Variants in ERC1 observed in about 807,000 individuals in gnomAD.
The protein encoded by ERC1 is ELKS/RAB6-interacting/CAST family member 1.
A neutral mutation model predicts 132.0 loss-of-function variants in ERC1; 56 were observed. The ratio of observed to expected loss-of-function variants is 0.42; its 90% CI spans 0.34 to 0.53. The LOEUF is 0.53. ERC1 is among the 20% of genes least tolerant of loss of function. The probability of loss-of-function intolerance (pLI) is 0.03; values close to 1 mark genes in which losing one functional copy is unlikely to be tolerated. For synonymous variants in ERC1, 478 were observed against 476.1 expected, an observed-to-expected ratio of 1.00 and a Z score of -0.05; for missense variants, 1,202 against 1,349.9, an observed-to-expected ratio of 0.89 and a Z score of 1.72.
intron 7 of ERC1, among the ~76,000 whole-genome samples, chr12:1,118,581 C>CT (rs1300227767): frequency 1.3e-5 from 2 of 152,168 alleles, no homozygotes; most frequent in Admixed American, 6.5e-5. Context: ...TGAAAGCTAA[C>CT]TTTCTTTGGA....
At chr12:1,423,602 G>A (rs1161572967) in intron 17 of ERC1, among the ~76,000 whole-genome samples, 7 of 152,198 alleles carry the variant, frequency 4.6e-5, no homozygotes, top group Admixed American at 6.5e-5. Flanking sequence ...GGTTGATAGA[G>A]TCTGTCAGAT....
At chr12:1,019,293 T>G (rs1965977075) in intron 1 of ERC1, among the ~76,000 whole-genome samples, 1 of 152,092 alleles carries the variant, frequency 6.6e-6, no homozygotes. Context: ...CCAGCTAATT[T>G]TTTGTATTTT....
chr12:1,007,478 CTCTCTCTCTCTCTCTT>C (rs1465631998), intron 1 of ERC1, among the ~76,000 whole-genome samples: 14 of 150,798 alleles, frequency 9.3e-5, no homozygotes, highest in Non-Finnish European at 1.9e-4. Context: ...CTCTCTCTCT[CTCTCTCTCTCTCTCTT>C]TCTCTCTCTC....
intron 16 of ERC1, among the ~76,000 whole-genome samples, chr12:1,406,964 C>A (rs2091535974): frequency 6.6e-6 from 1 of 152,158 alleles, no homozygotes. Flanking sequence ...TTTAAAACTT[C>A]AAGTTTTAAC....
intron 16 of ERC1, among the ~76,000 whole-genome samples, chr12:1,377,603 A>G (rs16928383): frequency 0.44 from 67,046 of 152,122 alleles, 16,182 homozygotes; most frequent in African/African-American, 0.64. Context: ...GAAAATGTAT[A>G]TAGGTTAATG....
chr12:1,382,739 G>A (rs2088830911), intron 16 of ERC1, among the ~76,000 whole-genome samples: 1 of 152,100 alleles, frequency 6.6e-6, no homozygotes, highest in South Asian at 2.1e-4. Context: ...TTAAAAAGAA[G>A]CAAATCAAAA....
At chr12:1,341,055 ATTCTTTTCTTT>A (rs1294676606) in intron 15 of ERC1, among the ~76,000 whole-genome samples, 2 of 80,178 alleles carry the variant, frequency 2.5e-5, no homozygotes, top group Non-Finnish European at 5.2e-5. Context: ...ATGTCCACTT[ATTCTTTTCTTT>A]TTCTTTTTTT....
chr12:1,161,029 A>G (rs1184833259), intron 8 of ERC1, among the ~76,000 whole-genome samples: 2 of 152,190 alleles, frequency 1.3e-5, no homozygotes, highest in African/African-American at 4.8e-5. Flanking sequence ...TTCCTTAATG[A>G]GTACATTTGT....
chr12:1,062,713 C>T (rs563019554), intron 2 of ERC1, among the ~76,000 whole-genome samples: 1 of 152,252 alleles, frequency 6.6e-6, no homozygotes, highest in Admixed American at 6.5e-5. Flanking sequence ...CTATGAATGC[C>T]TGTTAGTTCC....
chr12:1,012,662 G>A (rs1964890696), intron 1 of ERC1, among the ~76,000 whole-genome samples: 1 of 151,882 alleles, frequency 6.6e-6, no homozygotes, highest in Non-Finnish European at 1.5e-5. Context: ...CACCATGTTG[G>A]CAAGGATGGT....
At chr12:1,038,072 C>G (rs1000834759) in intron 2 of ERC1, among the ~76,000 whole-genome samples, 6 of 151,600 alleles carry the variant, frequency 4.0e-5, no homozygotes, top group African/African-American at 1.5e-4. Flanking sequence ...AAGAAAAAAA[C>G]TATTTCCATT....
rs145298100 is a variant in ERC1 at position 1,168,224 on chromosome 12, G to T, written c.1738-12316G>T. On this transcript the variant is annotated intron_variant, in intron 8 of 18. Coordinates refer to ENST00000360905, the MANE Select transcript of ERC1 (RefSeq NM_178040.4). ...CAGCCTCAACTTCCTGGGCTCAGGTGATCCTCCTACCTCAGTGCTGCAAGG... is the reference window on the plus strand; with the variant it reads ...CAGCCTCAACTTCCTGGGCTCAGGTTATCCTCCTACCTCAGTGCTGCAAGG... Among the ~76,000 whole-genome samples the T allele has an allele frequency of 2.3e-3, 354 of 152,178 alleles. 1 individual carries two copies. Among genetic ancestry groups the T allele is most frequent in the Non-Finnish European group, 4.1e-3 (281 of 68,014 alleles).
At chr12:1,092,552 G>A (rs180865342) in intron 3 of ERC1, among the ~76,000 whole-genome samples, 25 of 152,246 alleles carry the variant, frequency 1.6e-4, no homozygotes, top group African/African-American at 5.5e-4. Flanking sequence ...CTGTGAATCA[G>A]CATTGAAACA....
At chr12:1,401,156 C>G (rs112655454) in intron 16 of ERC1, among the ~76,000 whole-genome samples, 13,222 of 151,534 alleles carry the variant, frequency 0.087, 1,231 homozygotes, top group African/African-American at 0.23. Flanking sequence ...GGATGGTCTC[C>G]ATCTCCTGAC....
At chr12:1,002,850 CT>C (rs1341864056) in intron 1 of ERC1, among the ~76,000 whole-genome samples, 1 of 151,864 alleles carries the variant, frequency 6.6e-6, no homozygotes, top group East Asian at 1.9e-4. Flanking sequence ...CCAATTTTAT[CT>C]TTTTTTTCTT....
At chr12:1,457,782 A>G (rs1039612128) in intron 18 of ERC1, among the ~76,000 whole-genome samples, 2 of 152,192 alleles carry the variant, frequency 1.3e-5, no homozygotes, top group Admixed American at 6.6e-5. Flanking sequence ...GGTCCTAGCT[A>G]CTTGGGTGGC....
chr12:1,117,556 T>C (rs1458271298), intron 7 of ERC1, among the ~76,000 whole-genome samples: 1 of 152,238 alleles, frequency 6.6e-6, no homozygotes, highest in Non-Finnish European at 1.5e-5. Context: ...CTTCCATCTT[T>C]ACCACTTACT....
chr12:1,204,418 A>G, intron 12 of ERC1: 1 of 1,184,614 alleles, frequency 8.4e-7, no homozygotes, highest in South Asian at 1.3e-5. Flanking sequence ...ATGTCCATGA[A>G]TAATATTTCT....
At chr12:1,405,675 T>C (rs900148011) in intron 16 of ERC1, among the ~76,000 whole-genome samples, 47 of 152,184 alleles carry the variant, frequency 3.1e-4, no homozygotes, top group Non-Finnish European at 5.3e-4. Flanking sequence ...TGCACTCCAG[T>C]CTGGGTGACA....
Sources: gnomAD v4.1 joint callset for allele counts (sites outside exome capture counted in the v4.1 genomes callset) on GRCh38, gnomAD v4.1.1 for gene constraint, MANE v1.5 for transcripts, NCBI Gene and HGNC (gene_info 2026-07-23, HGNC 2026-07-21) for gene names.